The following FRMD3 variants were observed in gnomAD, a reference collection of about 807,000 sequenced individuals.
FRMD3 encodes the protein FERM domain containing 3, also known as FERM domain-containing protein 3.
Under a neutral mutation model 70.2 loss-of-function variants are expected in FRMD3, and 33 were observed. The ratio of observed to expected loss-of-function variants is 0.47; its 90% CI spans 0.36 to 0.63. FRMD3 has a LOEUF of 0.63. Ranked by LOEUF, FRMD3 falls within the 20% of genes least tolerant of loss-of-function variation. FRMD3 has a pLI of 0.00. For synonymous variants in FRMD3, 279 were observed against 255.9 expected, an observed-to-expected ratio of 1.09 and a Z score of -0.86; for missense variants, 632 against 711.4, an observed-to-expected ratio of 0.89 and a Z score of 1.27.
chr9:83,492,511 C>T (rs1052824945), intron 1 of FRMD3, among the ~76,000 whole-genome samples: 5 of 152,226 alleles, frequency 3.3e-5, no homozygotes, highest in African/African-American at 1.2e-4. Context: ...CACCTCCTTT[C>T]CGCCCGTGCT....
chr9:83,498,971 T>C (rs762055091), intron 1 of FRMD3, among the ~76,000 whole-genome samples: 3 of 152,118 alleles, frequency 2.0e-5, no homozygotes, highest in Non-Finnish European at 4.4e-5. Flanking sequence ...TGAGGCATGT[T>C]TGCAAAATGA....
chr9:83,488,818 T>C (rs1281217065), intron 1 of FRMD3, among the ~76,000 whole-genome samples: 1 of 152,130 alleles, frequency 6.6e-6, no homozygotes, highest in Non-Finnish European at 1.5e-5. Context: ...GAATGATAAA[T>C]GACTTTAGAC....
chr9:83,568,519 T>G, the FRMD3 span, among the ~76,000 whole-genome samples: 3 of 152,180 alleles, frequency 2.0e-5, no homozygotes, highest in African/African-American at 7.2e-5. Flanking sequence ...GATATTATGC[T>G]GAGTGAAATA....
At chr9:83,379,424 T>G (rs1222882323) in intron 2 of FRMD3, among the ~76,000 whole-genome samples, 3 of 152,198 alleles carry the variant, frequency 2.0e-5, no homozygotes, top group Non-Finnish European at 2.9e-5. Context: ...GAAACTGAGT[T>G]TCCCTAAGAA....
intron 5 of FRMD3, among the ~76,000 whole-genome samples, chr9:83,342,053 C>CTCTCTCTCTCTCTG (rs1396511133): frequency 6.6e-6 from 1 of 151,360 alleles, no homozygotes; most frequent in Non-Finnish European, 1.5e-5. Context: ...ATCTCTCTCT[C>CTCTCTCTCTCTCTG]TCTCTCTCTC....
intron 1 of FRMD3, among the ~76,000 whole-genome samples, chr9:83,422,318 C>T (rs871790): frequency 0.23 from 34,337 of 152,092 alleles, 3,982 homozygotes; most frequent in Non-Finnish European, 0.26. Context: ...TAACCTGACT[C>T]TTCCACCAAT....
chr9:83,501,452 T>G (rs1460915884), intron 1 of FRMD3, among the ~76,000 whole-genome samples: 1 of 152,242 alleles, frequency 6.6e-6, no homozygotes, highest in African/African-American at 2.4e-5. Context: ...GAAATTTTTA[T>G]AAACACGGAG....
chr9:83,547,290 T>C, the FRMD3 span, among the ~76,000 whole-genome samples: 2 of 148,470 alleles, frequency 1.3e-5, no homozygotes, highest in Non-Finnish European at 3.0e-5. Flanking sequence ...TTATATAATA[T>C]AATATAACCA....
chr9:83,552,872 G>T, the FRMD3 span, among the ~76,000 whole-genome samples: 2 of 151,970 alleles, frequency 1.3e-5, no homozygotes, highest in African/African-American at 4.8e-5. Context: ...GTGTCATTTT[G>T]GGTGAGATGG....
upstream of FRMD3, among the ~76,000 whole-genome samples, chr9:83,541,724 G>A (rs1830001586): frequency 2.0e-5 from 3 of 152,166 alleles, no homozygotes; most frequent in African/African-American, 7.2e-5. Flanking sequence ...GGAGGGCTTG[G>A]TACAATCATA....
chr9:83,320,162 T>G (rs1587720826), intron 6 of FRMD3, among the ~76,000 whole-genome samples: 2 of 152,216 alleles, frequency 1.3e-5, no homozygotes, highest in Non-Finnish European at 2.9e-5. Flanking sequence ...TCTAGTCTGA[T>G]TGCTCTAGCA....
At chr9:83,369,890 G>A (rs1824915754) in intron 3 of FRMD3, among the ~76,000 whole-genome samples, 1 of 152,122 alleles carries the variant, frequency 6.6e-6, no homozygotes, top group Non-Finnish European at 1.5e-5. Flanking sequence ...GAGGAGCAAG[G>A]AAATAGTTTT....
the FRMD3 span, among the ~76,000 whole-genome samples, chr9:83,577,549 C>T: frequency 1.8e-4 from 28 of 151,984 alleles, no homozygotes; most frequent in Non-Finnish European, 3.7e-4. Flanking sequence ...TATATACAAA[C>T]ACTCCAAGTG....
chr9:83,295,640 G>A (rs1212607634), intron 12 of FRMD3, among the ~76,000 whole-genome samples: 1 of 152,186 alleles, frequency 6.6e-6, no homozygotes, highest in Non-Finnish European at 1.5e-5. Flanking sequence ...CATACAGTTG[G>A]CAAACAACAC....
At chr9:83,301,837 A>T (rs1834939994) in intron 10 of FRMD3, among the ~76,000 whole-genome samples, 1 of 152,238 alleles carries the variant, frequency 6.6e-6, no homozygotes, top group South Asian at 2.1e-4. Context: ...TTTCACAAAG[A>T]TGGCCAGTAG....
chr9:83,304,915 C>A (rs1004436308), intron 10 of FRMD3, among the ~76,000 whole-genome samples: 1 of 152,178 alleles, frequency 6.6e-6, no homozygotes, highest in Non-Finnish European at 1.5e-5. Context: ...AGAGTTTCTG[C>A]GTCTGGGCTC....
At chr9:83,261,586 C>T (rs1463283666) in intron 13 of FRMD3, among the ~76,000 whole-genome samples, 1 of 152,174 alleles carries the variant, frequency 6.6e-6, no homozygotes, top group Non-Finnish European at 1.5e-5. Context: ...ACTCTCTGCT[C>T]TTCTTGCTCT....
At chr9:83,552,349 A>C in the FRMD3 span, among the ~76,000 whole-genome samples, 3 of 152,028 alleles carry the variant, frequency 2.0e-5, no homozygotes, top group East Asian at 5.8e-4. Context: ...GTTTGGTATA[A>C]TTTTGGTCCT....
At chr9:83,360,441 T>C (rs1439692693) in intron 3 of FRMD3, among the ~76,000 whole-genome samples, 1 of 152,172 alleles carries the variant, frequency 6.6e-6, no homozygotes, top group African/African-American at 2.4e-5. Context: ...CCTCTAGTAC[T>C]CACATACCGA....
Sources: gnomAD v4.1 joint callset for allele counts (sites outside exome capture counted in the v4.1 genomes callset) on GRCh38, gnomAD v4.1.1 for gene constraint, MANE v1.5 for transcripts, NCBI Gene and HGNC (gene_info 2026-07-23, HGNC 2026-07-21) for gene names.